Variants in PLS1 observed in about 807,000 individuals in gnomAD.
PLS1 encodes the protein plastin 1.
A neutral mutation model predicts 73.7 loss-of-function variants in PLS1; 32 were observed. The ratio of observed to expected loss-of-function variants is 0.43; its 90% CI spans 0.33 to 0.58. PLS1 has a LOEUF of 0.58. PLS1 is among the 20% of genes least tolerant of loss of function. PLS1 has a pLI of 0.04. For missense variants in PLS1, 633 were observed against 740.5 expected (o/e 0.85, Z 1.68); for synonymous variants, 217 against 261.3 (o/e 0.83, Z 1.63).
At chr3:142,666,829 T>G (rs1007294167) in intron 2 of PLS1, among the ~76,000 whole-genome samples, 1 of 152,228 alleles carries the variant, frequency 6.6e-6, no homozygotes, top group African/African-American at 2.4e-5. Flanking sequence ...TTTTGGATAA[T>G]AAGCATTCTC....
chr3:142,708,387 C>T (rs1932951048), intron 14 of PLS1, among the ~76,000 whole-genome samples: 1 of 152,182 alleles, frequency 6.6e-6, no homozygotes, highest in Non-Finnish European at 1.5e-5. Context: ...GCTGGGACTA[C>T]AGGCGCCCGC....
chr3:142,680,369 C>G (rs2037822860), intron 6 of PLS1, among the ~76,000 whole-genome samples: 1 of 152,106 alleles, frequency 6.6e-6, no homozygotes, highest in Non-Finnish European at 1.5e-5. Context: ...CTGGCCAAAA[C>G]TGGATTTTTA....
At chr3:142,702,987 CA>C (rs1235671224) in intron 12 of PLS1, among the ~76,000 whole-genome samples, 20 of 152,242 alleles carry the variant, frequency 1.3e-4, no homozygotes, top group African/African-American at 4.8e-4. Context: ...ATAAGCATTA[CA>C]AAGTAAGCAT....
chr3:142,653,814 CAAT>C (rs1482831620), intron 1 of PLS1, among the ~76,000 whole-genome samples: 2 of 151,986 alleles, frequency 1.3e-5, no homozygotes, highest in East Asian at 1.9e-4. Context: ...CATCAAAGAG[CAAT>C]AATCATAAGA....
intron 12 of PLS1, among the ~76,000 whole-genome samples, chr3:142,703,229 A>G (rs993482278): frequency 3.3e-5 from 5 of 151,768 alleles, no homozygotes; most frequent in Non-Finnish European, 7.4e-5. Flanking sequence ...AAAGCAGGAC[A>G]CCTAGGTTTT....
intron 1 of PLS1, among the ~76,000 whole-genome samples, chr3:142,599,718 T>A (rs1333933729): frequency 6.6e-6 from 1 of 152,046 alleles, no homozygotes; most frequent in Non-Finnish European, 1.5e-5. Flanking sequence ...TCATTAACTA[T>A]TACTTTTTGA....
At chr3:142,622,210 A>G (rs917886526) in intron 1 of PLS1, among the ~76,000 whole-genome samples, 1 of 152,208 alleles carries the variant, frequency 6.6e-6, no homozygotes, top group African/African-American at 2.4e-5. Context: ...TTCAATACAG[A>G]TGTCCTTTAA....
chr3:142,600,001 G>A (rs1490115812), intron 1 of PLS1, among the ~76,000 whole-genome samples: 1 of 152,048 alleles, frequency 6.6e-6, no homozygotes, highest in Admixed American at 6.6e-5. Context: ...GCCTGCCTCA[G>A]CCTCCCAATG....
At chr3:142,618,758 C>T (rs1180086630) in intron 1 of PLS1, among the ~76,000 whole-genome samples, 1 of 152,166 alleles carries the variant, frequency 6.6e-6, no homozygotes, top group Non-Finnish European at 1.5e-5. Context: ...TCTGTTTCAT[C>T]TCTCTGAGCC....
chr3:142,628,344 C>T (rs552842230), intron 1 of PLS1, among the ~76,000 whole-genome samples: 3 of 28,488 alleles, frequency 1.1e-4, no homozygotes, highest in Admixed American at 2.3e-4. Context: ...TGTGTGTGCG[C>T]GCACATGTGC....
At chr3:142,683,009 C>T (rs951715104) in intron 6 of PLS1, among the ~76,000 whole-genome samples, 1 of 152,146 alleles carries the variant, frequency 6.6e-6, no homozygotes, top group South Asian at 2.1e-4. Flanking sequence ...TAATTTTAAT[C>T]GCCCCAGACG....
chr3:142,615,069 A>C (rs146964358), intron 1 of PLS1, among the ~76,000 whole-genome samples: 52 of 152,268 alleles, frequency 3.4e-4, no homozygotes, highest in African/African-American at 1.1e-3. Flanking sequence ...TTCCAGACCC[A>C]AGGATGGAAA....
At chr3:142,599,286 C>G (rs898572119) in intron 1 of PLS1, among the ~76,000 whole-genome samples, 121 of 149,874 alleles carry the variant, frequency 8.1e-4, no homozygotes, top group African/African-American at 2.8e-3. Flanking sequence ...TTTATCCAGA[C>G]TATCCCCTAA....
intron 4 of PLS1, chr3:142,673,528 T>G (rs1162476199): frequency 6.6e-6 from 1 of 152,184 alleles, no homozygotes; most frequent in African/African-American, 2.4e-5. Flanking sequence ...GGAGTAGAAT[T>G]GCTTGAATTT....
intron 1 of PLS1, among the ~76,000 whole-genome samples, chr3:142,615,478 C>T (rs928975899): frequency 1.3e-5 from 2 of 152,078 alleles, no homozygotes; most frequent in Admixed American, 1.3e-4. Flanking sequence ...CCTGTTAATT[C>T]AGACTCTTCT....
intron 11 of PLS1, among the ~76,000 whole-genome samples, chr3:142,696,049 C>T (rs2107929543): frequency 6.6e-6 from 1 of 152,364 alleles, no homozygotes; most frequent in East Asian, 1.9e-4. Context: ...CTGCCTCGGC[C>T]TCCCAAAGTG....
intron 1 of PLS1, among the ~76,000 whole-genome samples, chr3:142,636,887 G>A (rs1172692294): frequency 6.6e-6 from 1 of 152,240 alleles, no homozygotes; most frequent in East Asian, 1.9e-4. Flanking sequence ...TATTTGAATG[G>A]CCAAAATTAG....
At chr3:142,644,102 A>T (rs1314650766) in intron 1 of PLS1, among the ~76,000 whole-genome samples, 1 of 152,150 alleles carries the variant, frequency 6.6e-6, no homozygotes, top group Non-Finnish European at 1.5e-5. Context: ...TGTTGGGATT[A>T]CAGGTGTGAG....
At chr3:142,694,017 A>G (rs1483525069) in intron 10 of PLS1, among the ~76,000 whole-genome samples, 1 of 152,004 alleles carries the variant, frequency 6.6e-6, no homozygotes, top group African/African-American at 2.4e-5. Context: ...AAACTTTCCT[A>G]TGTAAAACCA....
Sources: allele counts gnomAD v4.1 joint callset (sites outside exome capture counted in the v4.1 genomes callset), GRCh38; gene constraint gnomAD v4.1.1; transcripts MANE v1.5; gene names NCBI Gene and HGNC (gene_info 2026-07-23, HGNC 2026-07-21).